CCDC124: variants seen among roughly 807,000 people sequenced by gnomAD.
The protein encoded by CCDC124 is coiled-coil domain-containing protein 124.
CCDC124 carries 9 observed loss-of-function variants against 19.8 expected under a neutral mutation model. The ratio of observed to expected loss-of-function variants is 0.45; its 90% CI spans 0.27 to 0.79. CCDC124 has a LOEUF of 0.79. Among genes scored for constraint, CCDC124 ranks in the 30% least tolerant of loss-of-function variants. CCDC124 has a pLI of 0.14. For missense variants in CCDC124, 285 were observed against 319.0 expected (o/e 0.89, Z 0.81); for synonymous variants, 126 against 131.3 (o/e 0.96, Z 0.27).
intron 2 of CCDC124, 167 bp downstream of exon 2, chr19:17,936,746 C>T (rs535464544): frequency 1.4e-5 from 11 of 764,630 alleles, no homozygotes; most frequent in Middle Eastern, 2.9e-4. Context: ...TTTGGGAGGC[C>T]GAGGCAGGCA....
intron 4 of CCDC124, 62 bp downstream of exon 4, chr19:17,943,437 C>T: frequency 3.2e-6 from 3 of 938,230 alleles, no homozygotes; most frequent in African/African-American, 3.6e-5. Flanking sequence ...GCGGGGCTAC[C>T]TGGGGGCGGG....
intron 1 of CCDC124, among the ~76,000 whole-genome samples, chr19:17,934,233 A>G (rs1189985033): frequency 2.0e-5 from 3 of 151,632 alleles, no homozygotes; most frequent in Non-Finnish European, 4.4e-5. Context: ...TAAAAATACA[A>G]AAATTAGCCG....
intron 1 of CCDC124, among the ~76,000 whole-genome samples, chr19:17,935,611 T>G (rs2031043407): frequency 6.6e-6 from 1 of 151,952 alleles, no homozygotes; most frequent in East Asian, 1.9e-4. Context: ...AGAGTGAGTC[T>G]CACTCTGCCG....
chr19:17,943,213 C>A, intron 3 of CCDC124, 48 bp from the exon 4 acceptor site: 1 of 1,392,600 alleles, frequency 7.2e-7, no homozygotes, highest in Non-Finnish European at 9.9e-7. Flanking sequence ...TGGAACTGTG[C>A]ATCTTTGCTT....
intron 2 of CCDC124, chr19:17,936,853 C>A: frequency 3.2e-6 from 1 of 310,278 alleles, no homozygotes; most frequent in Non-Finnish European, 6.0e-6. Context: ...GTGGCGCACA[C>A]TTACAGTCCC....
Position 17,934,913 on chromosome 19 carries a change from C to CTT in CCDC124, c.-11-1485_-11-1484dup, listed in dbSNP as rs1555760700. Among the ~76,000 whole-genome samples the CTT allele has an allele frequency of 1.2e-4, 11 of 94,478 alleles. No individual in the cohort carries two copies. In the East Asian group the frequency reaches 3.0e-3, roughly 26 times the overall value. 62.0% of individuals were successfully genotyped at this position (94,478 alleles called of 152,430 possible). ...TATTGGTGCCTTGTTTCCTTGTTTCCTTTTTTTTTTTTTCTTTTAAGAGAC... is the reference window on the plus strand; with the variant it reads ...TATTGGTGCCTTGTTTCCTTGTTTCCTTTTTTTTTTTTTTTCTTTTAAGAGAC... On this transcript the variant is annotated intron_variant, in intron 1 of 4. Coordinates refer to ENST00000445755, the MANE Select transcript of CCDC124 (RefSeq NM_001136203.2).
Position 17,939,169 on chromosome 19 carries a change from C to T in CCDC124, c.159+2590C>T, listed in dbSNP as rs532675352. On this transcript the variant is annotated intron_variant, in intron 2 of 4. Coordinates refer to ENST00000445755, the MANE Select transcript of CCDC124 (RefSeq NM_001136203.2). ...CAGGACTTTGGGAGGCCGAGGCAGG[C>T]GGATCACCTGAGGTCAGGAGTTCGA... Among the ~76,000 whole-genome samples the T allele has an allele frequency of 4.0e-3, 605 of 152,186 alleles. 1 individual carries two copies. The highest frequency in any genetic ancestry group is 6.7e-3 in the Non-Finnish European group (454 of 68,000).
intron 2 of CCDC124, among the ~76,000 whole-genome samples, chr19:17,940,427 C>T (rs1230953051): frequency 6.6e-6 from 1 of 152,132 alleles, no homozygotes. Context: ...TGAAGGCCAC[C>T]ACTGACAGTA....
In CCDC124 at chr19:17,942,255, AGCC is replaced by A. The variant is rs2031200570; in HGVS notation, c.160-399_160-397del. Among the ~76,000 whole-genome samples, 1 of 151,806 alleles carries A rather than the reference AGCC, an allele frequency of 6.6e-6. No homozygotes were observed. Among genetic ancestry groups the A allele is most frequent in the South Asian group, 2.1e-4 (1 of 4,812 alleles). On this transcript the variant is annotated intron_variant, in intron 2 of 4. Transcript: ENST00000445755. The surrounding 1 kb of genome is among the most constrained non-coding windows in gnomAD (Gnocchi z 4.2). Reference sequence around the variant, plus strand: ...GGCCCCCAGAGGCTCCGCATGGCCCAGCCGTCTCCCTCCCGGCCTCTTCCCCCT... The same window carrying A: ...GGCCCCCAGAGGCTCCGCATGGCCCAGTCTCCCTCCCGGCCTCTTCCCCCT...
At chr19:17,936,019 C>T (rs907249667) in intron 1 of CCDC124, among the ~76,000 whole-genome samples, 1 of 152,212 alleles carries the variant, frequency 6.6e-6, no homozygotes, top group Non-Finnish European at 1.5e-5. Context: ...ATTCTCCTGC[C>T]TCAGCCTCCT....
At position 17,936,291 on chromosome 19, in the gene CCDC124, T is replaced by C. The variant is rs2031060237; in HGVS notation, c.-11-119T>C. 7 of 823,118 alleles carry C rather than the reference T, an allele frequency of 8.5e-6. No individual in the cohort carries two copies. In the South Asian group the frequency reaches 1.3e-4, roughly 15 times the overall value. The allele number at this position is 823,118 out of a possible 1,614,324, so 51.0% of individuals were successfully genotyped here. On this transcript the variant is annotated intron_variant, in intron 1 of 4. Coordinates refer to ENST00000445755, the MANE Select transcript of CCDC124 (RefSeq NM_001136203.2). The stretch of plus-strand genomic sequence containing the variant: ...CGCTAAGTCCAAAGCCCTTGTTTTA[T>C]ACAGAGAAGGCCACAGAGGCCCCAA...
intron 1 of CCDC124, among the ~76,000 whole-genome samples, chr19:17,933,851 C>T (rs1487128482): frequency 1.3e-5 from 2 of 152,198 alleles, no homozygotes; most frequent in Admixed American, 6.5e-5. Flanking sequence ...TCTGGGAGTC[C>T]CATGCAGGCA....
In CCDC124 at chr19:17,942,459, C is replaced by T. The variant is rs1023181208; in HGVS notation, c.160-197C>T. 2.0e-5 allele frequency among the ~76,000 whole-genome samples: 3 copies of T among 152,328 alleles called. No individual in the cohort carries two copies. The highest frequency in any genetic ancestry group is 6.5e-5 in the Admixed American group (1 of 15,300). ...CACTTCTTCAAGAGCCACCCACCCG[C>T]CCTGTCCAAGGTTCCCCTGTTGGCC... On this transcript the variant is annotated intron_variant, in intron 2 of 4. Coordinates refer to ENST00000445755, the MANE Select transcript of CCDC124 (RefSeq NM_001136203.2). This position sits in a 1 kb window ranked among gnomAD's most constrained non-coding sequence, Gnocchi z 4.2.
At chr19:17,936,688 A>ATTC in intron 2 of CCDC124, 109 bp downstream of exon 2, 1 of 1,377,740 alleles carries the variant, frequency 7.3e-7, no homozygotes, top group Non-Finnish European at 9.8e-7. Flanking sequence ...TTGGTCTGAA[A>ATTC]GGCCAGGAGG....
chr19:17,943,241 T>TCGGGGGGGGGCCCC lies in CCDC124; in HGVS notation c.350-19_350-18insGGGGGGGGGCCCCC. ...CTTTGCTTATCTCTCTCTGTCTCTG[T>TCGGGGGGGGGCCCC]CACCCACCCACCCGCCCAGCCGAGA... On this transcript the variant is annotated intron_variant, in intron 3 of 4. Coordinates refer to ENST00000445755, the MANE Select transcript of CCDC124 (RefSeq NM_001136203.2). The TCGGGGGGGGGCCCC allele has an allele frequency of 1.5e-5, 11 of 736,676 alleles. No individual in the cohort carries two copies. The highest frequency in any genetic ancestry group is 2.7e-5 in the Non-Finnish European group (11 of 414,970). The allele number at this position is 736,676 out of a possible 1,614,324, so 45.6% of individuals were successfully genotyped here.
Position 17,943,241 on chromosome 19 carries a change from T to TCTGCCCCC in CCDC124, c.350-19_350-18insTGCCCCCC. Reference sequence around the variant, plus strand: ...CTTTGCTTATCTCTCTCTGTCTCTGTCACCCACCCACCCGCCCAGCCGAGA... The same window carrying TCTGCCCCC: ...CTTTGCTTATCTCTCTCTGTCTCTGTCTGCCCCCCACCCACCCACCCGCCCAGCCGAGA... On this transcript the variant is annotated intron_variant, in intron 3 of 4. Transcript: ENST00000445755. 2 of 736,670 alleles carry TCTGCCCCC rather than the reference T, an allele frequency of 2.7e-6. No homozygotes were observed. Among genetic ancestry groups the TCTGCCCCC allele is most frequent in the Non-Finnish European group, 4.8e-6 (2 of 414,962 alleles). The allele number at this position is 736,670 out of a possible 1,614,324, so 45.6% of individuals were successfully genotyped here.
Position 17,942,674 on chromosome 19 carries a change from C to A in CCDC124, c.178C>A (p.Arg60Ser). 1 of 1,555,982 alleles carries A rather than the reference C, an allele frequency of 6.4e-7. No homozygotes were observed. The highest frequency in any genetic ancestry group is 1.4e-5 in the African/African-American group (1 of 73,982). ...EQRKEEKEKR[R>S]LDQLERKKET... Reference sequence around the variant, plus strand: ...CCCGCAGGAGGAGAAGGAGAAGCGGCGCCTCGACCAGCTGGAACGTAAGAA... The same window carrying A: ...CCCGCAGGAGGAGAAGGAGAAGCGGAGCCTCGACCAGCTGGAACGTAAGAA... Residue 60 changes from arginine to serine, a missense_variant, in exon 3 of 5, where the codon CGC becomes AGC. Transcript: ENST00000445755. The surrounding 1 kb of genome is among the most constrained non-coding windows in gnomAD (Gnocchi z 4.2).
In CCDC124 at chr19:17,943,603, A is replaced by G. The variant is rs1272428671; in HGVS notation, c.560A>G (p.Glu187Gly). The change falls in exon 5 of 5, where the codon GAG becomes GGG. Residue 187 changes from glutamate (E) to glycine (G), a missense_variant. By Grantham distance (98) the Glu-to-Gly change is moderately conservative. Coordinates refer to ENST00000445755, the MANE Select transcript of CCDC124 (RefSeq NM_001136203.2). ...GCCCAGCTGCCGCGGCTCAAACAAG[A>G]GAACCCCAACATGCGGCTGTCGCAG... ...EEAQLPRLKQ[E>G]NPNMRLSQLK... The G allele has an allele frequency of 6.2e-7, 1 of 1,613,044 alleles. No homozygotes were observed. Among genetic ancestry groups the G allele is most frequent in the African/African-American group, 1.3e-5 (1 of 75,048 alleles).
intron 1 of CCDC124, among the ~76,000 whole-genome samples, chr19:17,933,381 C>CG (rs2030988192): frequency 6.6e-6 from 1 of 152,146 alleles, no homozygotes. Flanking sequence ...AAGGGATAGC[C>CG]GGGAGGGCTG....
Sources: allele counts gnomAD v4.1 joint callset (sites outside exome capture counted in the v4.1 genomes callset), GRCh38; gene constraint gnomAD v4.1.1; non-coding constraint Gnocchi (gnomAD v3.1); transcripts MANE v1.5; gene names NCBI Gene and HGNC (gene_info 2026-07-23, HGNC 2026-07-21).